Variants in PCDHA8 observed in about 807,000 individuals in gnomAD.
PCDHA8 encodes protocadherin alpha 8.
In PCDHA8, 53 loss-of-function variants were observed where a neutral mutation model predicts 61.8. That is an observed-to-expected ratio of 0.86 (90% CI 0.69 to 1.08). PCDHA8 has a LOEUF of 1.08. Among genes scored for constraint, PCDHA8 ranks in the 50% least tolerant of loss-of-function variants. PCDHA8 has a pLI of 0.00. For missense variants in PCDHA8, 1,293 were observed against 1,245.0 expected (o/e 1.04, Z -0.58); for synonymous variants, 618 against 556.6 (o/e 1.11, Z -1.55).
intron 1 of PCDHA8, among the ~76,000 whole-genome samples, chr5:140,878,476 A>T (rs1037108551): frequency 3.2e-4 from 49 of 152,322 alleles, no homozygotes; most frequent in African/African-American, 1.1e-3. Flanking sequence ...TCATTTCTCA[A>T]TTTAAAAATA....
At chr5:140,928,099 C>T in intron 1 of PCDHA8, 5 of 1,614,204 alleles carry the variant, frequency 3.1e-6, no homozygotes, top group Non-Finnish European at 4.2e-6. Context: ...TGATGGGCCC[C>T]TGGACCGGGA....
chr5:140,858,726 C>A (rs115774489), intron 1 of PCDHA8: 4 of 481,590 alleles, frequency 8.3e-6, no homozygotes, highest in African/African-American at 8.1e-5. Context: ...GCAGTTCTGA[C>A]GATTTACTTT....
chr5:140,946,326 A>T (rs1554217498), intron 1 of PCDHA8, among the ~76,000 whole-genome samples: 1 of 151,914 alleles, frequency 6.6e-6, no homozygotes, highest in East Asian at 1.9e-4. Context: ...GAAAGAGGAA[A>T]GATAACAAGT....
At chr5:140,875,568 C>G in intron 1 of PCDHA8, 2 of 1,614,114 alleles carry the variant, frequency 1.2e-6, no homozygotes, top group Non-Finnish European at 1.7e-6. Context: ...GCCAGCTCCA[C>G]TACTCCGTCT....
intron 1 of PCDHA8, chr5:140,862,930 C>T (rs1581662470): frequency 1.8e-6 from 1 of 542,144 alleles, no homozygotes; most frequent in East Asian, 4.9e-5. Flanking sequence ...GGGCTGGCGG[C>T]GCTGTGAGTG....
At chr5:140,882,823 T>C (rs2059326985) in intron 1 of PCDHA8, 1 of 1,614,160 alleles carries the variant, frequency 6.2e-7, no homozygotes, top group Non-Finnish European at 8.5e-7. Flanking sequence ...CACAAAACAG[T>C]CTTGAGCAAA....
At chr5:140,885,107 T>G (rs2060471687) in intron 1 of PCDHA8, among the ~76,000 whole-genome samples, 1 of 152,238 alleles carries the variant, frequency 6.6e-6, no homozygotes, top group African/African-American at 2.4e-5. Context: ...TAAATGCTTT[T>G]TTTAAGTGCA....
chr5:140,852,162 G>A (rs1421376146), intron 1 of PCDHA8: 3 of 836,824 alleles, frequency 3.6e-6, no homozygotes, highest in Non-Finnish European at 4.4e-6. Flanking sequence ...CTTGAGAATA[G>A]AGCCACAAAA....
intron 1 of PCDHA8, chr5:140,853,641 A>G (rs1211855290): frequency 1.0e-6 from 1 of 988,686 alleles, no homozygotes; most frequent in East Asian, 1.1e-4. Context: ...ACAGACCTAA[A>G]TTGAGCCTGT....
At chr5:140,873,631 A>G (rs2054392579) in intron 1 of PCDHA8, among the ~76,000 whole-genome samples, 1 of 152,222 alleles carries the variant, frequency 6.6e-6, no homozygotes, top group Non-Finnish European at 1.5e-5. Flanking sequence ...TTTAGGTCAA[A>G]GAGTATGTGA....
chr5:140,883,394 G>T, intron 1 of PCDHA8: 2 of 1,614,124 alleles, frequency 1.2e-6, no homozygotes, highest in South Asian at 2.2e-5. Context: ...CAGTGTGTCC[G>T]ATCGTGACTC....
At chr5:140,870,021 TTTAGA>T (rs782664085) in intron 1 of PCDHA8, 39 of 1,613,464 alleles carry the variant, frequency 2.4e-5, no homozygotes, top group Non-Finnish European at 3.1e-5. Flanking sequence ...TCAATGGAAC[TTTAGA>T]TTATGAAGAA....
At chr5:140,877,828 C>T (rs781916987) in intron 1 of PCDHA8, 19 of 1,599,838 alleles carry the variant, frequency 1.2e-5, no homozygotes, top group Non-Finnish European at 1.5e-5. Flanking sequence ...TTGTTTAAAT[C>T]CTCCCAGTGA....
intron 1 of PCDHA8, chr5:140,883,849 G>A (rs2059850853): frequency 1.2e-6 from 2 of 1,612,940 alleles, no homozygotes; most frequent in East Asian, 2.2e-5. Context: ...ACCACGAGGA[G>A]CTGGAGCTGT....
chr5:141,004,144 A>C (rs1451902723), intron 3 of PCDHA8, among the ~76,000 whole-genome samples: 3 of 152,250 alleles, frequency 2.0e-5, no homozygotes, highest in Non-Finnish European at 2.9e-5. Context: ...CCCCAAAGGC[A>C]TGACATTTTA....
intron 1 of PCDHA8, among the ~76,000 whole-genome samples, chr5:140,937,011 G>A (rs567332621): frequency 9.2e-5 from 14 of 151,352 alleles, no homozygotes; most frequent in Non-Finnish European, 1.8e-4. Flanking sequence ...ACAGACAACC[G>A]ATTAACAAGG....
At chr5:140,968,852 A>G (rs1554231175) in intron 1 of PCDHA8, 1 of 1,614,196 alleles carries the variant, frequency 6.2e-7, no homozygotes, top group Non-Finnish European at 8.5e-7. Flanking sequence ...GAGGCATGTT[A>G]AGAGCCCTCG....
Position 141,009,639 on chromosome 5 carries a change from G to A in PCDHA8, c.2555G>A (p.Gly852Glu). The stretch of plus-strand genomic sequence containing the variant: ...TTTTGTCTTTCAGAACCAGAGGCAG[G>A]AGAAGTGTCCCCTCCAGTCGGTGCG... ...VSSATPEPEA[G>E]EVSPPVGAGV... The change falls in exon 4 of 4, where the codon GGA becomes GAA. Residue 852 changes from glycine to glutamate, a missense_variant. Transcript: ENST00000531613. The A allele has an allele frequency of 6.2e-7, 1 of 1,613,406 alleles. No individual in the cohort carries two copies. The highest frequency in any genetic ancestry group is 8.5e-7 in the Non-Finnish European group (1 of 1,179,594).
At chr5:140,850,949 A>C in intron 1 of PCDHA8, 1 of 1,501,564 alleles carries the variant, frequency 6.7e-7, no homozygotes, top group Non-Finnish European at 8.9e-7. Flanking sequence ...GATATTATCG[A>C]TTACTCCCAG....
Sources: gnomAD v4.1 joint callset for allele counts (sites outside exome capture counted in the v4.1 genomes callset) on GRCh38, gnomAD v4.1.1 for gene constraint, MANE v1.5 for transcripts, NCBI Gene and HGNC (gene_info 2026-07-23, HGNC 2026-07-21) for gene names.